Variants in LHFPL6 observed in about 807,000 individuals in gnomAD.
The protein encoded by LHFPL6 is LHFPL tetraspan subfamily member 6 protein.
A neutral mutation model predicts 20.6 loss-of-function variants in LHFPL6; 9 were observed. The ratio of observed to expected loss-of-function variants is 0.44; its 90% CI spans 0.26 to 0.76. The LOEUF is 0.76. Among genes scored for constraint, LHFPL6 ranks in the 30% least tolerant of loss-of-function variants. The pLI is 0.20. For synonymous variants in LHFPL6, 105 were observed against 98.7 expected (o/e 1.06, Z -0.38); for missense variants, 218 against 253.5 (o/e 0.86, Z 0.95).
chr13:39,540,487 G>A (rs1363646467), intron 2 of LHFPL6, among the ~76,000 whole-genome samples: 2 of 151,924 alleles, frequency 1.3e-5, no homozygotes, highest in Non-Finnish European at 2.9e-5. Context: ...ACAGTAATTT[G>A]TGCCATGAAA....
intron 2 of LHFPL6, among the ~76,000 whole-genome samples, chr13:39,403,813 T>C (rs75358138): frequency 0.014 from 2,099 of 152,320 alleles, 56 homozygotes; most frequent in African/African-American, 0.048. Flanking sequence ...TGTATAAACA[T>C]GTAAGAATCC....
chr13:39,506,986 A>C (rs904782713), intron 2 of LHFPL6, among the ~76,000 whole-genome samples: 7 of 152,182 alleles, frequency 4.6e-5, no homozygotes, highest in African/African-American at 1.7e-4. Context: ...ATTTTTTTGA[A>C]CAGTGCATGC....
chr13:39,539,297 AC>A (rs1216025279), intron 2 of LHFPL6, among the ~76,000 whole-genome samples: 1 of 151,842 alleles, frequency 6.6e-6, no homozygotes, highest in Non-Finnish European at 1.5e-5. Flanking sequence ...CTATCATGTG[AC>A]TTGCAGATTT....
rs574409100 is a variant in LHFPL6, at chr13:39,538,149, C to T, written c.385+62683G>A. Among the ~76,000 whole-genome samples the T allele has an allele frequency of 2.0e-3, 300 of 151,898 alleles. 1 individual carries two copies. The highest frequency in any genetic ancestry group is 7.0e-3 in the African/African-American group (288 of 41,414). On this transcript the variant is annotated intron_variant, in intron 2 of 3. Coordinates refer to ENST00000379589, the MANE Select transcript of LHFPL6 (RefSeq NM_005780.3). ...GGACAACAGGTGCACACCACCACAG[C>T]TGGCTAATTTTTGTATTTTTAGTAG... is the stretch of plus-strand genomic sequence containing the variant.
intron 2 of LHFPL6, among the ~76,000 whole-genome samples, chr13:39,421,915 A>G (rs573295301): frequency 3.3e-5 from 5 of 152,340 alleles, no homozygotes; most frequent in African/African-American, 1.2e-4. Context: ...ACACTCATAA[A>G]GAATGGTCAG....
intron 2 of LHFPL6, among the ~76,000 whole-genome samples, chr13:39,387,091 T>C (rs959084293): frequency 6.6e-6 from 1 of 152,242 alleles, no homozygotes; most frequent in South Asian, 2.1e-4. Context: ...AAGTATTACA[T>C]GTCCTGGAAG....
chr13:39,485,525 C>T (rs1011653375), intron 2 of LHFPL6, among the ~76,000 whole-genome samples: 1 of 152,092 alleles, frequency 6.6e-6, no homozygotes, highest in Non-Finnish European at 1.5e-5. Flanking sequence ...TACTAGAGCC[C>T]TGATAGAATT....
chr13:39,578,728 T>A (rs1872192028), intron 2 of LHFPL6, among the ~76,000 whole-genome samples: 1 of 152,164 alleles, frequency 6.6e-6, no homozygotes, highest in Non-Finnish European at 1.5e-5. Context: ...GAGGCCACAG[T>A]CGGGGGCCAG....
chr13:39,347,453 C>T (rs920751879), intron 3 of LHFPL6, among the ~76,000 whole-genome samples: 2 of 152,188 alleles, frequency 1.3e-5, no homozygotes, highest in Non-Finnish European at 2.9e-5. Context: ...AAGAGTAACT[C>T]GTGTCCTGTT....
intron 2 of LHFPL6, among the ~76,000 whole-genome samples, chr13:39,598,287 C>CT (rs11404413): frequency 0.99 from 146,315 of 148,468 alleles, 72,097 homozygotes; most frequent in South Asian, 1. Flanking sequence ...CTTTTTGAAA[C>CT]TTTTTTTTTT....
In LHFPL6 at chr13:39,542,096, TATAATAATA is replaced by T. The variant is rs5802996; in HGVS notation, c.385+58727_385+58735del. On this transcript the variant is annotated intron_variant, in intron 2 of 3. Transcript: ENST00000379589. ...ACAGATAGAGACTCTATCTCAAAAATATAATAATAATAATAATAATAATAATAATAATAA... is the reference window on the plus strand; with the variant it reads ...ACAGATAGAGACTCTATCTCAAAAATATAATAATAATAATAATAATAATAA... 1.5e-3 allele frequency among the ~76,000 whole-genome samples: 206 copies of T among 137,136 alleles called. 1 individual carries two copies. Among genetic ancestry groups the T allele is most frequent in the East Asian group, 7.7e-3 (36 of 4,700 alleles). 90.0% of individuals were successfully genotyped at this position (137,136 alleles called of 152,430 possible). A position where few individuals can be genotyped will look rare whatever the true frequency, so the allele number is the denominator to read the frequency against.
At chr13:39,444,929 T>C (rs1872246058) in intron 2 of LHFPL6, among the ~76,000 whole-genome samples, 1 of 152,106 alleles carries the variant, frequency 6.6e-6, no homozygotes, top group Non-Finnish European at 1.5e-5. Flanking sequence ...GGCACAAGAC[T>C]TTAACTTGTG....
At chr13:39,517,344 T>C (rs1361052349) in intron 2 of LHFPL6, among the ~76,000 whole-genome samples, 1 of 152,220 alleles carries the variant, frequency 6.6e-6, no homozygotes, top group African/African-American at 2.4e-5. Context: ...CCCTGTCTGT[T>C]CACGTTCTAA....
At chr13:39,572,953 T>C (rs9315708) in intron 2 of LHFPL6, among the ~76,000 whole-genome samples, 17,001 of 152,206 alleles carry the variant, frequency 0.11, 1,206 homozygotes, top group East Asian at 0.37. Context: ...AATAATGTTA[T>C]TGAGGTTAAA....
At chr13:39,355,695 T>A (rs1224717870) in intron 3 of LHFPL6, among the ~76,000 whole-genome samples, 2 of 152,152 alleles carry the variant, frequency 1.3e-5, no homozygotes, top group African/African-American at 4.8e-5. Flanking sequence ...AAGAAAGATG[T>A]ATTGTGCAAA....
intron 2 of LHFPL6, among the ~76,000 whole-genome samples, chr13:39,454,502 G>T (rs1872522508): frequency 1.2e-5 from 1 of 85,944 alleles, no homozygotes; most frequent in Non-Finnish European, 2.1e-5. Context: ...AGTGGCGGGC[G>T]CCTGTAGTCC....
At chr13:39,478,341 T>C (rs75665028) in intron 2 of LHFPL6, among the ~76,000 whole-genome samples, 7,812 of 152,226 alleles carry the variant, frequency 0.051, 292 homozygotes, top group Non-Finnish European at 0.082. Context: ...ATACTGGAAA[T>C]ATAATAATGA....
intron 2 of LHFPL6, among the ~76,000 whole-genome samples, chr13:39,398,692 T>C (rs1482867537): frequency 1.3e-5 from 2 of 152,224 alleles, no homozygotes; most frequent in African/African-American, 4.8e-5. Context: ...GTCCCTGGCC[T>C]GTTAGGAACA....
intron 2 of LHFPL6, among the ~76,000 whole-genome samples, chr13:39,538,778 A>T (rs574499897): frequency 7.9e-5 from 12 of 152,288 alleles, no homozygotes; most frequent in African/African-American, 2.6e-4. Context: ...ATTTGGTTAT[A>T]CAGCAACATT....
Sources: allele counts gnomAD v4.1 joint callset (sites outside exome capture counted in the v4.1 genomes callset), GRCh38; gene constraint gnomAD v4.1.1; transcripts MANE v1.5; gene names NCBI Gene and HGNC (gene_info 2026-07-23, HGNC 2026-07-21).